Variants in CATSPERT observed in about 807,000 individuals in gnomAD.
CATSPERT encodes catsper channel auxiliary subunit tau.
At chr2:201,607,533 C>T in the CATSPERT span, among the ~76,000 whole-genome samples, 2 of 152,146 alleles carry the variant, frequency 1.3e-5, no homozygotes, top group East Asian at 1.9e-4. Flanking sequence ...ATGGCACATG[C>T]CTGTGGGCTG....
chr2:201,581,193 C>G, the CATSPERT span, among the ~76,000 whole-genome samples: 12 of 151,506 alleles, frequency 7.9e-5, no homozygotes, highest in South Asian at 2.5e-3. Context: ...ATTATTTGAA[C>G]TCAGGAGTAC....
At chr2:201,489,080 TG>T in the CATSPERT span, among the ~76,000 whole-genome samples, 2 of 152,186 alleles carry the variant, frequency 1.3e-5, no homozygotes, top group Admixed American at 1.3e-4. Context: ...TTGATTCCTT[TG>T]GGAGATTCCT....
At chr2:201,565,513 C>T in the CATSPERT span, among the ~76,000 whole-genome samples, 1 of 152,024 alleles carries the variant, frequency 6.6e-6, no homozygotes, top group Non-Finnish European at 1.5e-5. Context: ...GTTTTCACCT[C>T]TTTCTTTGGC....
At chr2:201,580,872 TC>T in the CATSPERT span, among the ~76,000 whole-genome samples, 1 of 152,132 alleles carries the variant, frequency 6.6e-6, no homozygotes, top group East Asian at 1.9e-4. Flanking sequence ...TCTGCCCAAA[TC>T]TTTGGCTAAC....
At chr2:201,527,385 C>A in the CATSPERT span, among the ~76,000 whole-genome samples, 1 of 152,278 alleles carries the variant, frequency 6.6e-6, no homozygotes, top group African/African-American at 2.4e-5. Flanking sequence ...CAATGACATT[C>A]TTTGCAGAAT....
chr2:201,570,972 G>A, the CATSPERT span, among the ~76,000 whole-genome samples: 4 of 152,140 alleles, frequency 2.6e-5, no homozygotes, highest in Non-Finnish European at 4.4e-5. Context: ...GCATCCCACA[G>A]TTCTTTATGT....
the CATSPERT span, chr2:201,536,144 A>G: frequency 6.2e-7 from 1 of 1,613,562 alleles, no homozygotes; most frequent in South Asian, 1.1e-5. Context: ...GTTCACCTAA[A>G]GGTGGTATTC....
At chr2:201,511,220 G>T in the CATSPERT span, among the ~76,000 whole-genome samples, 2 of 152,044 alleles carry the variant, frequency 1.3e-5, no homozygotes, top group Non-Finnish European at 2.9e-5. Flanking sequence ...GCATAATCTG[G>T]CAGTATCAAA....
chr2:201,579,484 A>G, the CATSPERT span, among the ~76,000 whole-genome samples: 1 of 151,842 alleles, frequency 6.6e-6, no homozygotes, highest in Non-Finnish European at 1.5e-5. Flanking sequence ...GGGTTTCACC[A>G]TGTTCCCCAG....
At chr2:201,523,838 A>G in the CATSPERT span, among the ~76,000 whole-genome samples, 2 of 152,204 alleles carry the variant, frequency 1.3e-5, no homozygotes, top group African/African-American at 4.8e-5. Flanking sequence ...CACTATAAGA[A>G]TTTCACAATA....
At chr2:201,545,653 A>AAAAAAAAAAAAT in the CATSPERT span, 1 of 794,268 alleles carries the variant, frequency 1.3e-6, no homozygotes, top group Non-Finnish European at 1.8e-6. Flanking sequence ...AAAAAAAAAA[A>AAAAAAAAAAAAT]GAAAAAAAAA....
At chr2:201,612,191 C>T in the CATSPERT span, among the ~76,000 whole-genome samples, 2 of 152,118 alleles carry the variant, frequency 1.3e-5, no homozygotes, top group Non-Finnish European at 2.9e-5. Flanking sequence ...GTGAATAAAA[C>T]GAGACTCTAA....
the CATSPERT span, among the ~76,000 whole-genome samples, chr2:201,590,051 T>C: frequency 1.3e-5 from 2 of 152,054 alleles, no homozygotes; most frequent in Non-Finnish European, 2.9e-5. Context: ...TAGTTACATA[T>C]GTATACATGT....
At chr2:201,571,867 G>C in the CATSPERT span, 1 of 1,364,728 alleles carries the variant, frequency 7.3e-7, no homozygotes, top group Non-Finnish European at 1.0e-6. Context: ...CCACCAAAAT[G>C]CTCCACCAAA....
At chr2:201,569,885 C>T in the CATSPERT span, among the ~76,000 whole-genome samples, 1 of 152,092 alleles carries the variant, frequency 6.6e-6, no homozygotes, top group Non-Finnish European at 1.5e-5. Context: ...GCATTAAATG[C>T]AAAAATGTCT....
the CATSPERT span, among the ~76,000 whole-genome samples, chr2:201,582,620 C>T: frequency 6.6e-6 from 1 of 152,186 alleles, no homozygotes; most frequent in Non-Finnish European, 1.5e-5. Context: ...AATCCAAATA[C>T]AGGTTATCCA....
chr2:201,513,623 T>C, the CATSPERT span, among the ~76,000 whole-genome samples: 12 of 152,178 alleles, frequency 7.9e-5, no homozygotes, highest in African/African-American at 2.9e-4. Flanking sequence ...AAAAGACATA[T>C]GCATTTGTAT....
chr2:201,488,067 C>T, the CATSPERT span, among the ~76,000 whole-genome samples: 1 of 152,172 alleles, frequency 6.6e-6, no homozygotes, highest in African/African-American at 2.4e-5. Flanking sequence ...AAACACTGAA[C>T]GTTTCTTAGG....
chr2:201,572,202 G>T, the CATSPERT span, among the ~76,000 whole-genome samples: 1 of 151,952 alleles, frequency 6.6e-6, no homozygotes, highest in African/African-American at 2.4e-5. Flanking sequence ...ACATTTATTG[G>T]GTACTAAATA....
Sources: gnomAD v4.1 joint callset for allele counts (sites outside exome capture counted in the v4.1 genomes callset) on GRCh38, gnomAD v4.1.1 for gene constraint, MANE v1.5 for transcripts, NCBI Gene and HGNC (gene_info 2026-07-23, HGNC 2026-07-21) for gene names.